Variants in BICD2 observed in about 807,000 individuals in gnomAD.
BICD2 encodes the protein protein bicaudal D homolog 2.
In BICD2, 25 loss-of-function variants were observed where a neutral mutation model predicts 72.9. The ratio of observed to expected loss-of-function variants is 0.34; its 90% confidence interval spans 0.25 to 0.48. The LOEUF is 0.48. Among genes scored for constraint, BICD2 ranks in the 20% least tolerant of loss-of-function variants. BICD2 has a pLI of 0.99. For synonymous variants in BICD2, 501 were observed against 516.1 expected, an observed-to-expected ratio of 0.97 and a Z score of 0.40; for missense variants, 894 against 1,175.2, an observed-to-expected ratio of 0.76 and a Z score of 3.50.
At chr9:92,748,911 C>T (rs1479756208) in intron 1 of BICD2, among the ~76,000 whole-genome samples, 1 of 152,084 alleles carries the variant, frequency 6.6e-6, no homozygotes, top group Non-Finnish European at 1.5e-5. Context: ...CTGAGTGGGA[C>T]CATAAGGCTT....
At chr9:92,726,370 G>A (rs1853567700) in intron 2 of BICD2, among the ~76,000 whole-genome samples, 1 of 152,214 alleles carries the variant, frequency 6.6e-6, no homozygotes, top group South Asian at 2.1e-4. Context: ...AGGGGCTGTT[G>A]TGGGTAGCAG....
At chr9:92,753,621 C>T (rs1854194240) in intron 1 of BICD2, among the ~76,000 whole-genome samples, 1 of 151,992 alleles carries the variant, frequency 6.6e-6, no homozygotes, top group Non-Finnish European at 1.5e-5. Context: ...TCACCACAAG[C>T]TCCGCCTTCC....
At position 92,719,558 on chromosome 9, in the gene BICD2, G is replaced by GGA; in HGVS notation, c.1086_1087insTC (p.Leu363SerfsTer26). On this transcript the variant is annotated frameshift_variant, in exon 5 of 7. Transcript: ENST00000356884. LOFTEE classifies it high-confidence loss of function. Reference sequence around the variant, plus strand: ...TTCTGTGTGTCCTGCAGCGTTGCCAGCAGGCCCGCCTTTTCCCGCTCCATC... The same window carrying GGA: ...TTCTGTGTGTCCTGCAGCGTTGCCAGGACAGGCCCGCCTTTTCCCGCTCCATC... 6.2e-7 allele frequency: 1 copy of GGA among 1,604,362 alleles called. No homozygotes were observed. The highest frequency in any genetic ancestry group is 8.5e-7 in the Non-Finnish European group (1 of 1,177,318).
In BICD2 at chr9:92,713,325, A is replaced by G. The variant is rs1417043949; in HGVS notation, c.*1829T>C. 1.7e-5 allele frequency: 16 copies of G among 941,940 alleles called. No homozygotes were observed. The highest frequency in any genetic ancestry group is 2.5e-5 in the Non-Finnish European group (15 of 610,774). 58.3% of individuals were successfully genotyped at this position (941,940 alleles called of 1,614,324 possible). ...GGAATGCTATTTTGAAAAGAATTGC[A>G]GTGGCATATCCAAAAAGTTTCTAAG... is the stretch of plus-strand genomic sequence containing the variant. On this transcript the variant is annotated 3_prime_UTR_variant, in exon 7 of 7. Coordinates refer to ENST00000356884, the MANE Select transcript of BICD2 (RefSeq NM_001003800.2).
rs1853268766 is a variant in BICD2, at chr9:92,714,836, T to C, written c.*318A>G. ...AGGACCAGGACTCCTCCCTTGGGTT[T>C]CCCCACGGGTGCGCAGGGCTTAGAA... On this transcript the variant is annotated 3_prime_UTR_variant, in exon 7 of 7. Transcript: ENST00000356884. The C allele has an allele frequency of 9.1e-7, 1 of 1,098,982 alleles. No homozygotes were observed. The allele number at this position is 1,098,982 out of a possible 1,614,324, so 68.1% of individuals were successfully genotyped here.
intron 1 of BICD2, among the ~76,000 whole-genome samples, chr9:92,763,810 T>C (rs1038232356): frequency 2.0e-5 from 3 of 151,964 alleles, no homozygotes; most frequent in Non-Finnish European, 4.4e-5. Context: ...GGACAGGAAG[T>C]GGGCCAGGGA....
rs1853403085 is a variant in BICD2, at chr9:92,719,232, C to T, written c.1413G>A (p.Lys471=). 1 of 1,612,076 alleles carries T rather than the reference C, an allele frequency of 6.2e-7. No homozygotes were observed. ...EAREAQHAEE[K]GRYEAEGQAL... The stretch of plus-strand genomic sequence containing the variant: ...CCTGGCCCTCAGCCTCATAGCGGCC[C>T]TTCTCCTCGGCGTGCTGGGCCTCAC... The change falls in exon 5 of 7, where the codon AAG becomes AAA. Residue 471 remains lysine, a synonymous_variant. Coordinates refer to ENST00000356884, the MANE Select transcript of BICD2 (RefSeq NM_001003800.2).
At chr9:92,728,611 A>G (rs1471115558) in intron 2 of BICD2, among the ~76,000 whole-genome samples, 1 of 152,222 alleles carries the variant, frequency 6.6e-6, no homozygotes, top group Admixed American at 6.5e-5. Context: ...TTCTTATTAC[A>G]GCTGGGCACA....
At position 92,720,047 on chromosome 9, in the gene BICD2, G is replaced by A. The variant is rs1853427373; in HGVS notation, c.1062+253C>T. 6.6e-6 allele frequency among the ~76,000 whole-genome samples: 1 copy of A among 152,228 alleles called. No homozygotes were observed. Among genetic ancestry groups the A allele is most frequent in the Non-Finnish European group, 1.5e-5 (1 of 68,046 alleles). The stretch of plus-strand genomic sequence containing the variant: ...GTGCAGGGATCACATGTGGGCCAGT[G>A]TCTCATCACTTCACCCTGACACCAC... On this transcript the variant is annotated intron_variant, in intron 4 of 6. Coordinates refer to ENST00000356884, the MANE Select transcript of BICD2 (RefSeq NM_001003800.2). This position sits in a 1 kb window ranked among gnomAD's most constrained non-coding sequence, Gnocchi z 5.4.
chr9:92,762,109 G>A (rs1407455883), intron 1 of BICD2, among the ~76,000 whole-genome samples: 1 of 152,130 alleles, frequency 6.6e-6, no homozygotes, highest in East Asian at 1.9e-4. Flanking sequence ...TCCATTTGGA[G>A]CACAATTTAT....
chr9:92,757,588 C>CGG (rs558367606), intron 1 of BICD2, among the ~76,000 whole-genome samples: 1 of 6,544 alleles, frequency 1.5e-4, no homozygotes, highest in Non-Finnish European at 3.1e-4. Flanking sequence ...CCAGCTACTG[C>CGG]GGGGGGGCGG....
intron 1 of BICD2, among the ~76,000 whole-genome samples, chr9:92,753,412 A>G (rs951651474): frequency 6.6e-6 from 1 of 152,246 alleles, no homozygotes; most frequent in Admixed American, 6.5e-5. Context: ...TGTTATAATA[A>G]GGAGGCAGCT....
intron 1 of BICD2, among the ~76,000 whole-genome samples, chr9:92,740,269 T>A (rs898587650): frequency 1.3e-5 from 2 of 152,200 alleles, no homozygotes; most frequent in Non-Finnish European, 2.9e-5. Flanking sequence ...AGAAATTCCA[T>A]TTATGTGTTG....
intron 2 of BICD2, among the ~76,000 whole-genome samples, chr9:92,723,759 C>T (rs1217782782): frequency 1.3e-5 from 2 of 152,300 alleles, no homozygotes; most frequent in East Asian, 3.9e-4. Context: ...CATAAGGAGC[C>T]AAGAGATGTC....
intron 1 of BICD2, among the ~76,000 whole-genome samples, chr9:92,741,203 C>A (rs1446216354): frequency 1.3e-5 from 2 of 152,202 alleles, no homozygotes; most frequent in Non-Finnish European, 2.9e-5. Context: ...TTCAACAGAT[C>A]TTCCCTTCCA....
At chr9:92,763,782 G>A (rs2131541784) in intron 1 of BICD2, among the ~76,000 whole-genome samples, 1 of 152,270 alleles carries the variant, frequency 6.6e-6, no homozygotes, top group Middle Eastern at 3.4e-3. Flanking sequence ...CGAGGGGAAG[G>A]GCCCGAGAAG....
intron 2 of BICD2, among the ~76,000 whole-genome samples, chr9:92,723,186 C>A (rs188188278): frequency 7.9e-5 from 12 of 152,350 alleles, no homozygotes; most frequent in South Asian, 6.2e-4. Flanking sequence ...AAACAGCCTG[C>A]AGGTGCTGCA....
At chr9:92,739,721 G>T (rs1032626960) in intron 1 of BICD2, among the ~76,000 whole-genome samples, 8 of 152,044 alleles carry the variant, frequency 5.3e-5, no homozygotes, top group African/African-American at 1.9e-4. Flanking sequence ...TGGCAGACTT[G>T]CCCCCCCAAA....
chr9:92,752,359 A>T (rs958740671), intron 1 of BICD2, among the ~76,000 whole-genome samples: 5 of 152,006 alleles, frequency 3.3e-5, no homozygotes, highest in Admixed American at 3.3e-4. Flanking sequence ...AGGCACCATG[A>T]TGTGGTATGT....
Sources: allele counts gnomAD v4.1 joint callset (sites outside exome capture counted in the v4.1 genomes callset), GRCh38; gene constraint gnomAD v4.1.1; non-coding constraint Gnocchi (gnomAD v3.1); transcripts MANE v1.5; gene names NCBI Gene and HGNC (gene_info 2026-07-23, HGNC 2026-07-21).